RARS1: variants seen among roughly 807,000 people sequenced by gnomAD.
The protein encoded by RARS1 is arginine--tRNA ligase, cytoplasmic.
A neutral mutation model predicts 78.7 loss-of-function variants in RARS1; 75 were observed. The ratio of observed to expected loss-of-function variants is 0.95; its 90% CI spans 0.79 to 1.15. The LOEUF is 1.15. Ranked by LOEUF, RARS1 falls within the 50% of genes most tolerant of loss-of-function variation. The pLI is 0.00. For synonymous variants in RARS1, 273 were observed against 268.2 expected (o/e 1.02, Z -0.18); for missense variants, 787 against 787.5 (o/e 1.00, Z 0.01).
chr5:168,489,526 T>TC (rs1242716322), intron 2 of RARS1, among the ~76,000 whole-genome samples: 1 of 152,226 alleles, frequency 6.6e-6, no homozygotes, highest in Non-Finnish European at 1.5e-5. Context: ...ACACTTTTTT[T>TC]CCCCATGAAG....
chr5:168,506,699 G>A (rs146330254), intron 10 of RARS1, 23 bp from the exon 11 acceptor site: 378 of 1,531,134 alleles, frequency 2.5e-4, no homozygotes, highest in Non-Finnish European at 2.8e-4. Flanking sequence ...AGACTAGCAA[G>A]TAACTTTCCG....
chr5:168,498,600 G>A (rs1191416262), intron 7 of RARS1, among the ~76,000 whole-genome samples: 1 of 152,034 alleles, frequency 6.6e-6, no homozygotes, highest in Non-Finnish European at 1.5e-5. Context: ...CCTTTATTAG[G>A]ATTTTTTTCT....
intron 2 of RARS1, among the ~76,000 whole-genome samples, chr5:168,489,266 C>A (rs1196433730): frequency 6.6e-6 from 1 of 152,104 alleles, no homozygotes; most frequent in Non-Finnish European, 1.5e-5. Context: ...GCAACCCTCC[C>A]TGTCTTGGCC....
chr5:168,494,098 TTG>T, intron 4 of RARS1, 96 bp downstream of exon 4: 1 of 1,322,536 alleles, frequency 7.6e-7, no homozygotes, highest in South Asian at 1.4e-5. Context: ...GGGTTAAACT[TTG>T]TATACTGAAC....
intron 12 of RARS1, 85 bp from the exon 13 acceptor site, chr5:168,516,693 C>A: frequency 7.5e-7 from 1 of 1,333,624 alleles, no homozygotes; most frequent in South Asian, 1.3e-5. Context: ...ATTAGATGTT[C>A]CCTACCCCAG....
At position 168,517,811 on chromosome 5, in the gene RARS1, T is replaced by C. The variant is rs778002780; in HGVS notation, c.1626-4T>C. On this transcript the variant is annotated splice_region_variant and splice_polypyrimidine_tract_variant and intron_variant, in intron 13 of 14. Coordinates refer to ENST00000231572, the MANE Select transcript of RARS1 (RefSeq NM_002887.4). ...TGCCTGATGATTTTTTTGTTTTTTT[T>C]AAGGTCTATTGCACGTCTGGCCAAT... 9 of 1,607,760 alleles carry C rather than the reference T, an allele frequency of 5.6e-6. No individual in the cohort carries two copies. Among genetic ancestry groups the C allele is most frequent in the Non-Finnish European group, 3.4e-6 (4 of 1,177,380 alleles).
intron 6 of RARS1, among the ~76,000 whole-genome samples, chr5:168,496,769 C>T (rs1485634359): frequency 1.3e-5 from 2 of 152,128 alleles, no homozygotes; most frequent in Non-Finnish European, 2.9e-5. Context: ...CAGGCGTGAG[C>T]CATTGCACCC....
In RARS1 at chr5:168,495,367, A is replaced by C. The variant is rs767828812; in HGVS notation, c.632A>C (p.His211Pro). 1 of 1,614,070 alleles carries C rather than the reference A, an allele frequency of 6.2e-7. No individual in the cohort carries two copies. The highest frequency in any genetic ancestry group is 8.5e-7 in the Non-Finnish European group (1 of 1,179,978). ...ATAGCTAAAGAGATGCATGTAGGCC[A>C]CCTGAGGTCAACTATCATAGGAGAG... ...PNIAKEMHVG[H>P]LRSTIIGESI... Residue 211 changes from histidine (H) to proline (P), a missense_variant, in exon 6 of 15, where the codon CAC becomes CCC. His to Pro is a moderately conservative substitution (Grantham distance 77). Transcript: ENST00000231572.
At position 168,519,210 on chromosome 5, in the gene RARS1, CTG is replaced by C. The variant is rs1348017513; in HGVS notation, c.*26_*27del. The C allele has an allele frequency of 3.2e-6, 5 of 1,582,822 alleles. No homozygotes were observed. Among genetic ancestry groups the C allele is most frequent in the African/African-American group, 1.3e-5 (1 of 74,260 alleles). On this transcript the variant is annotated 3_prime_UTR_variant, in exon 15 of 15. Transcript: ENST00000231572. ...ATGTAATCCTTCATAGGTTTGAACACTGTGTGTTTTTACCAAAGTGGCCATTG... is the reference window on the plus strand; with the variant it reads ...ATGTAATCCTTCATAGGTTTGAACACTGTGTTTTTACCAAAGTGGCCATTG...
At chr5:168,504,528 A>G (rs1454393157) in intron 9 of RARS1, among the ~76,000 whole-genome samples, 1 of 149,668 alleles carries the variant, frequency 6.7e-6, no homozygotes, top group African/African-American at 2.5e-5. Context: ...TCTCAAAAAA[A>G]AAAAAAGAAA....
At chr5:168,506,658 A>G in intron 10 of RARS1, 64 bp from the exon 11 acceptor site, 1 of 1,237,200 alleles carries the variant, frequency 8.1e-7, no homozygotes, top group Non-Finnish European at 1.2e-6. Flanking sequence ...TAAGCAAAAG[A>G]GCCTTAAGTC....
At chr5:168,498,279 A>T (rs1282531243) in intron 7 of RARS1, among the ~76,000 whole-genome samples, 1 of 152,142 alleles carries the variant, frequency 6.6e-6, no homozygotes, top group Non-Finnish European at 1.5e-5. Flanking sequence ...GAATTATACC[A>T]CATTGAATTT....
chr5:168,492,216 A>G (rs916691377), intron 2 of RARS1, among the ~76,000 whole-genome samples: 4 of 152,158 alleles, frequency 2.6e-5, no homozygotes, highest in Non-Finnish European at 5.9e-5. Flanking sequence ...TATTAATATT[A>G]CCTGCTTTGC....
chr5:168,492,645 T>C lies in RARS1; in HGVS notation c.181-14T>C. ...TACGTACATTATTGACATGTTTCCA[T>C]TCTTTTCCTACAGAGTCTTCAGGCA... On this transcript the variant is annotated splice_polypyrimidine_tract_variant and intron_variant, in intron 2 of 14. Transcript: ENST00000231572. 1.3e-6 allele frequency: 2 copies of C among 1,561,142 alleles called. No homozygotes were observed. Among genetic ancestry groups the C allele is most frequent in the Non-Finnish European group, 1.8e-6 (2 of 1,135,450 alleles).
intron 8 of RARS1, among the ~76,000 whole-genome samples, chr5:168,501,476 A>T (rs1381309487): frequency 6.6e-6 from 1 of 152,196 alleles, no homozygotes; most frequent in Non-Finnish European, 1.5e-5. Flanking sequence ...AAAAAAGTAA[A>T]TGTTGGGAGG....
chr5:168,515,327 T>C (rs369991929), intron 12 of RARS1, among the ~76,000 whole-genome samples: 13 of 152,306 alleles, frequency 8.5e-5, no homozygotes, highest in African/African-American at 3.1e-4. Context: ...TTTTATCTTT[T>C]TCCCCCCACA....
At position 168,488,735 on chromosome 5, in the gene RARS1, A is replaced by G; in HGVS notation, c.179A>G (p.Lys60Arg). Residue 60 changes from lysine to arginine, a missense_variant and splice_region_variant, in exon 2 of 15, where the codon AAG becomes AGG. Transcript: ENST00000231572. ...AAGTATCGACTGAATATTCTTCGAAAGGTGAGTACTTTGGGTTCCAGTTTT... is the reference window on the plus strand; with the variant it reads ...AAGTATCGACTGAATATTCTTCGAAGGGTGAGTACTTTGGGTTCCAGTTTT... ...KLKYRLNILR[K>R]SLQAERNKPT... is the part of the protein sequence containing the mutation. 2 of 1,598,860 alleles carry G rather than the reference A, an allele frequency of 1.3e-6. No homozygotes were observed. The highest frequency in any genetic ancestry group is 1.7e-6 in the Non-Finnish European group (2 of 1,175,290).
At chr5:168,508,168 G>A (rs1758488320) in intron 11 of RARS1, among the ~76,000 whole-genome samples, 1 of 152,132 alleles carries the variant, frequency 6.6e-6, no homozygotes, top group Non-Finnish European at 1.5e-5. Flanking sequence ...ACATTTAGAT[G>A]ATATTCTGAC....
chr5:168,500,677 T>A lies in RARS1; in HGVS notation c.909T>A (p.Asp303Glu), dbSNP rs1418503146. The change falls in exon 8 of 15, where the codon GAT (aspartate) becomes GAA (glutamate). Residue 303 changes from aspartate to glutamate, a missense_variant. Transcript: ENST00000231572. Reference protein sequence around the residue: ...CVVLLQGKNPDITKAWKLICD... With the variant: ...CVVLLQGKNPEITKAWKLICD... ...TTCTGCTCCAGGGTAAAAACCCAGA[T>A]ATTACAAAAGCTTGGAAGCTTATCT... 3.7e-6 allele frequency: 6 copies of A among 1,610,198 alleles called. No individual in the cohort carries two copies. Among genetic ancestry groups the A allele is most frequent in the Non-Finnish European group, 5.1e-6 (6 of 1,179,088 alleles).
Sources: gnomAD v4.1 joint callset for allele counts (sites outside exome capture counted in the v4.1 genomes callset) on GRCh38, gnomAD v4.1.1 for gene constraint, MANE v1.5 for transcripts, NCBI Gene and HGNC (gene_info 2026-07-23, HGNC 2026-07-21) for gene names.